CMSS1: variants seen among roughly 807,000 people sequenced by gnomAD.
CMSS1 encodes protein CMSS1.
CMSS1 carries 33 observed loss-of-function variants against 43.5 expected under a neutral mutation model. The ratio of observed to expected loss-of-function variants is 0.76; its 90% CI spans 0.57 to 1.01. The LOEUF (loss-of-function observed/expected upper bound fraction) is 1.01, where lower values mean the gene tolerates loss of function less well. Among genes scored for constraint, CMSS1 ranks in the 50% least tolerant of loss-of-function variants. The probability of loss-of-function intolerance (pLI) is 0.00; values close to 1 mark genes in which losing one functional copy is unlikely to be tolerated. For synonymous variants in CMSS1, 115 were observed against 117.2 expected, an observed-to-expected ratio of 0.98 and a Z score of 0.12; for missense variants, 313 against 326.4, an observed-to-expected ratio of 0.96 and a Z score of 0.32.
chr3:99,871,725 C>T (rs945272580), intron 1 of CMSS1, among the ~76,000 whole-genome samples: 3 of 152,156 alleles, frequency 2.0e-5, no homozygotes, highest in African/African-American at 7.2e-5. Context: ...AATAGAAGGT[C>T]ATTTGTCAAG....
At chr3:99,930,680 A>G in intron 1 of CMSS1, 1 of 1,395,940 alleles carries the variant, frequency 7.2e-7, no homozygotes, top group African/African-American at 1.4e-5. Context: ...TATGAACCAC[A>G]GATATCTATT....
chr3:99,917,466 A>G (rs539601974), intron 1 of CMSS1, among the ~76,000 whole-genome samples: 11 of 152,224 alleles, frequency 7.2e-5, no homozygotes, highest in Admixed American at 7.2e-4. Context: ...GCTGGCTTCT[A>G]CTCTGACTCT....
chr3:99,869,831 G>T (rs1185378051), intron 1 of CMSS1, among the ~76,000 whole-genome samples: 1 of 152,118 alleles, frequency 6.6e-6, no homozygotes, highest in Non-Finnish European at 1.5e-5. Flanking sequence ...TTTGTTCCAG[G>T]ACTGGTGGGC....
At chr3:99,993,121 T>C (rs771198602) in intron 1 of CMSS1, among the ~76,000 whole-genome samples, 2 of 152,098 alleles carry the variant, frequency 1.3e-5, no homozygotes, top group Non-Finnish European at 2.9e-5. Context: ...TCTTTTTGCT[T>C]AGGATTTCTT....
intron 1 of CMSS1, among the ~76,000 whole-genome samples, chr3:99,927,025 C>G (rs1254805225): frequency 6.6e-6 from 1 of 152,200 alleles, no homozygotes; most frequent in African/African-American, 2.4e-5. Context: ...TCTGAACCTC[C>G]TGCCACCTTG....
At chr3:99,982,537 TCTCA>T (rs747358875) in intron 1 of CMSS1, among the ~76,000 whole-genome samples, 26 of 152,062 alleles carry the variant, frequency 1.7e-4, no homozygotes, top group Non-Finnish European at 3.1e-4. Context: ...AATAAGAGTC[TCTCA>T]CTCTGTTGCC....
intron 1 of CMSS1, among the ~76,000 whole-genome samples, chr3:100,126,659 A>G (rs189066257): frequency 8.1e-4 from 123 of 152,312 alleles, no homozygotes; most frequent in African/African-American, 2.8e-3. Context: ...TTTCTAGAAT[A>G]AGATGATCTA....
intron 1 of CMSS1, among the ~76,000 whole-genome samples, chr3:100,081,950 C>T (rs1026802980): frequency 2.0e-5 from 3 of 152,072 alleles, no homozygotes; most frequent in African/African-American, 7.2e-5. Context: ...ATAACATTGC[C>T]TTCAATTGCT....
At chr3:100,126,812 CA>C (rs753602564) in intron 1 of CMSS1, among the ~76,000 whole-genome samples, 27 of 152,100 alleles carry the variant, frequency 1.8e-4, no homozygotes, top group Non-Finnish European at 2.6e-4. Flanking sequence ...TCCTGGCTAA[CA>C]CGGTGAAACT....
At chr3:100,045,587 A>G (rs1158862964) in intron 1 of CMSS1, among the ~76,000 whole-genome samples, 2 of 152,058 alleles carry the variant, frequency 1.3e-5, no homozygotes, top group Admixed American at 1.3e-4. Context: ...TAAATGGGAC[A>G]TTTGGACCCA....
At chr3:99,849,624 A>G (rs760091027) in intron 1 of CMSS1, 2 of 1,613,452 alleles carry the variant, frequency 1.2e-6, no homozygotes. Context: ...TGTACTTAGC[A>G]AGTTCCATTT....
chr3:99,919,156 G>T (rs1481628429), intron 1 of CMSS1, among the ~76,000 whole-genome samples: 1 of 151,922 alleles, frequency 6.6e-6, no homozygotes, highest in Non-Finnish European at 1.5e-5. Flanking sequence ...AATCTTAATG[G>T]CACGATATTG....
Position 99,817,906 on chromosome 3 carries a change from C to A in CMSS1, c.-74C>A. On this transcript the variant is annotated 5_prime_UTR_variant, in exon 1 of 10. Coordinates refer to ENST00000421999, the MANE Select transcript of CMSS1 (RefSeq NM_032359.4). Reference sequence around the variant, plus strand: ...GCGTGTAGCTACGCCGGCCGCCTGGCTTTGAGACAACGTGATTCTCCGCAG... The same window carrying A: ...GCGTGTAGCTACGCCGGCCGCCTGGATTTGAGACAACGTGATTCTCCGCAG... 11 of 1,527,602 alleles carry A rather than the reference C, an allele frequency of 7.2e-6. No individual in the cohort carries two copies. Among genetic ancestry groups the A allele is most frequent in the South Asian group, 3.4e-5 (3 of 88,398 alleles). The allele number at this position is 1,527,602 out of a possible 1,614,324, so 94.6% of individuals were successfully genotyped here.
At chr3:99,969,475 C>T (rs1708750653) in intron 1 of CMSS1, among the ~76,000 whole-genome samples, 1 of 152,090 alleles carries the variant, frequency 6.6e-6, no homozygotes, top group East Asian at 1.9e-4. Flanking sequence ...CTGAGCTCAA[C>T]AGATTGGTCA....
intron 1 of CMSS1, among the ~76,000 whole-genome samples, chr3:99,957,443 C>CAT (rs151274424): frequency 0.012 from 1,762 of 152,188 alleles, 19 homozygotes; most frequent in African/African-American, 0.026. Context: ...TGTATCTACA[C>CAT]ATATGTGTGT....
At chr3:100,178,257 AT>A in intron 9 of CMSS1, 47 bp from the exon 10 acceptor site, 1 of 1,201,306 alleles carries the variant, frequency 8.3e-7, no homozygotes, top group Non-Finnish European at 1.2e-6. Flanking sequence ...CACCAAGACC[AT>A]TTTGGCTTGA....
At chr3:100,109,920 C>T (rs1180372456) in intron 1 of CMSS1, 2 of 120,248 alleles carry the variant, frequency 1.7e-5, no homozygotes, top group South Asian at 3.3e-4. Context: ...CCCCCCAGCA[C>T]CACCCCCCAG....
chr3:100,105,447 T>G (rs1309945324), intron 1 of CMSS1, among the ~76,000 whole-genome samples: 2 of 152,164 alleles, frequency 1.3e-5, no homozygotes, highest in African/African-American at 4.8e-5. Context: ...TTTCATAGCT[T>G]ACAAGTAAGA....
chr3:99,982,730 CT>C (rs2107734765), intron 1 of CMSS1, among the ~76,000 whole-genome samples: 1 of 152,266 alleles, frequency 6.6e-6, no homozygotes, highest in African/African-American at 2.4e-5. Flanking sequence ...TTGCATGATT[CT>C]GTTAATGCCA....
Sources: allele counts gnomAD v4.1 joint callset (sites outside exome capture counted in the v4.1 genomes callset), GRCh38; gene constraint gnomAD v4.1.1; transcripts MANE v1.5; gene names NCBI Gene and HGNC (gene_info 2026-07-23, HGNC 2026-07-21).